The following CCSER1 variants were observed in gnomAD, a reference collection of about 807,000 sequenced individuals.
CCSER1 encodes the protein coiled-coil serine rich protein 1.
Under a neutral mutation model 82.0 loss-of-function variants are expected in CCSER1, and 41 were observed. The observed-to-expected ratio is 0.50, with a 90% CI of 0.39 to 0.65. CCSER1 has a LOEUF of 0.65. Ranked by LOEUF, CCSER1 falls within the 30% of genes least tolerant of loss-of-function variation. The pLI is 0.00. For synonymous variants in CCSER1, 414 were observed against 383.9 expected (o/e 1.08, Z -0.92); for missense variants, 1,119 against 1,064.2 (o/e 1.05, Z -0.72).
rs1001552369 is a variant in CCSER1, at chr4:91,602,704, T to C, written c.*3647T>C. Among the ~76,000 whole-genome samples, 5 of 152,020 alleles carry C rather than the reference T, an allele frequency of 3.3e-5. No homozygotes were observed. The highest frequency in any genetic ancestry group is 1.2e-4 in the African/African-American group (5 of 41,430). On this transcript the variant is annotated 3_prime_UTR_variant, in exon 11 of 11. Coordinates refer to ENST00000509176, the MANE Select transcript of CCSER1 (RefSeq NM_001145065.2). ...GGTTCAAAATAACCCTAAGATTCCATTGAAACATATACACACAGATGAAAC... is the reference window on the plus strand; with the variant it reads ...GGTTCAAAATAACCCTAAGATTCCACTGAAACATATACACACAGATGAAAC...
chr4:91,318,629 C>T (rs375404802), intron 10 of CCSER1, among the ~76,000 whole-genome samples: 2 of 152,122 alleles, frequency 1.3e-5, no homozygotes, highest in South Asian at 4.1e-4. Context: ...TATGGCAGCT[C>T]AGTAGCTAAT....
intron 10 of CCSER1, among the ~76,000 whole-genome samples, chr4:91,441,741 TCTC>T (rs1370244488): frequency 1.3e-5 from 2 of 152,022 alleles, no homozygotes; most frequent in Admixed American, 1.3e-4. Flanking sequence ...CAGCCCAAAA[TCTC>T]CTTAAGCTGA....
chr4:91,482,621 G>C (rs1345456487), intron 10 of CCSER1, among the ~76,000 whole-genome samples: 1 of 151,914 alleles, frequency 6.6e-6, no homozygotes, highest in Non-Finnish European at 1.5e-5. Flanking sequence ...TATAAATCAT[G>C]CTGCTATAAA....
At chr4:91,250,946 C>T (rs977733619) in intron 10 of CCSER1, among the ~76,000 whole-genome samples, 7 of 152,042 alleles carry the variant, frequency 4.6e-5, no homozygotes, top group African/African-American at 7.2e-5. Flanking sequence ...TTAAAAATTA[C>T]GACAATAGTG....
chr4:91,548,068 C>T (rs1458326679), intron 10 of CCSER1, among the ~76,000 whole-genome samples: 5 of 152,262 alleles, frequency 3.3e-5, no homozygotes, highest in Admixed American at 6.5e-5. Context: ...AGATTACAGG[C>T]GTGAGCCACT....
intron 10 of CCSER1, among the ~76,000 whole-genome samples, chr4:91,270,123 C>G (rs2149180780): frequency 6.6e-6 from 1 of 152,292 alleles, no homozygotes; most frequent in Non-Finnish European, 1.5e-5. Context: ...ATTCTGAATT[C>G]TGAAAAATCA....
intron 5 of CCSER1, among the ~76,000 whole-genome samples, chr4:90,519,933 T>G (rs1772866007): frequency 1.3e-5 from 2 of 152,054 alleles, no homozygotes; most frequent in African/African-American, 4.8e-5. Flanking sequence ...AAAACTACAT[T>G]GATTGGTTTA....
At chr4:91,071,868 TC>T (rs1266512161) in intron 9 of CCSER1, among the ~76,000 whole-genome samples, 1 of 152,160 alleles carries the variant, frequency 6.6e-6, no homozygotes, top group Non-Finnish European at 1.5e-5. Context: ...AACATGCCTT[TC>T]ACTGACAATA....
At chr4:90,429,708 A>G (rs1758013879) in intron 4 of CCSER1, among the ~76,000 whole-genome samples, 1 of 151,826 alleles carries the variant, frequency 6.6e-6, no homozygotes, top group South Asian at 2.1e-4. Context: ...GAAAATATAG[A>G]GTGGACAATT....
chr4:90,771,486 C>G (rs1053433240), intron 7 of CCSER1, among the ~76,000 whole-genome samples: 4 of 141,886 alleles, frequency 2.8e-5, no homozygotes, highest in Non-Finnish European at 6.0e-5. Flanking sequence ...CCCACTATTT[C>G]TTTTCTTTTA....
chr4:91,552,294 AATCT>A (rs1332781108), intron 10 of CCSER1, among the ~76,000 whole-genome samples: 2 of 151,786 alleles, frequency 1.3e-5, no homozygotes, highest in East Asian at 1.9e-4. Flanking sequence ...CTTATTAATC[AATCT>A]ATTATTTAAT....
chr4:90,615,561 T>G (rs1721027138), intron 5 of CCSER1, among the ~76,000 whole-genome samples: 1 of 152,136 alleles, frequency 6.6e-6, no homozygotes, highest in East Asian at 1.9e-4. Flanking sequence ...GGAAGTAACT[T>G]CAGATGTGGT....
intron 10 of CCSER1, among the ~76,000 whole-genome samples, chr4:91,432,502 A>G (rs907905371): frequency 3.9e-5 from 6 of 152,168 alleles, no homozygotes; most frequent in Admixed American, 3.9e-4. Flanking sequence ...ACAATTTACA[A>G]TGTACTAGCA....
chr4:91,126,262 T>C (rs1293302010), intron 10 of CCSER1, among the ~76,000 whole-genome samples: 5 of 151,860 alleles, frequency 3.3e-5, no homozygotes, highest in Non-Finnish European at 7.4e-5. Flanking sequence ...AATTTTCTAT[T>C]TTACTTACAC....
chr4:90,691,620 ATG>A (rs200551885), intron 6 of CCSER1, among the ~76,000 whole-genome samples: 243 of 144,888 alleles, frequency 1.7e-3, no homozygotes, highest in Non-Finnish European at 3.2e-3. Context: ...ACATGTATAT[ATG>A]TGTATGTATA....
intron 8 of CCSER1, among the ~76,000 whole-genome samples, chr4:90,918,064 A>T (rs1335994832): frequency 6.6e-6 from 1 of 152,058 alleles, no homozygotes; most frequent in Non-Finnish European, 1.5e-5. Flanking sequence ...TTCTTTTGCA[A>T]ATTTTGGATA....
At chr4:90,993,883 T>A (rs1737260095) in intron 9 of CCSER1, among the ~76,000 whole-genome samples, 1 of 152,142 alleles carries the variant, frequency 6.6e-6, no homozygotes, top group South Asian at 2.1e-4. Context: ...ATTTGGCATA[T>A]AGTAGGTATT....
rs1021755743 is a variant in CCSER1, at chr4:91,111,832, G to A, written c.2217+25838G>A. Among the ~76,000 whole-genome samples, 384 of 123,894 alleles carry A rather than the reference G, an allele frequency of 3.1e-3. 3 individuals are homozygous for A. The highest frequency in any genetic ancestry group is 3.0e-3 in the Non-Finnish European group (170 of 57,146). The allele number at this position is 123,894 out of a possible 152,430, so 81.3% of individuals were successfully genotyped here. ...AAAGGAAAAGAGAAAAAGAGAGAAA[G>A]AAGAAGACAATAAAACAGAAAAAAA... On this transcript the variant is annotated intron_variant, in intron 10 of 10. Transcript: ENST00000509176.
intron 10 of CCSER1, among the ~76,000 whole-genome samples, chr4:91,485,621 C>G (rs1317317326): frequency 6.6e-6 from 1 of 152,120 alleles, no homozygotes; most frequent in Non-Finnish European, 1.5e-5. Flanking sequence ...CAATTATTAC[C>G]TAACCTTTGC....
Sources: gnomAD v4.1 joint callset for allele counts (sites outside exome capture counted in the v4.1 genomes callset) on GRCh38, gnomAD v4.1.1 for gene constraint, MANE v1.5 for transcripts, NCBI Gene and HGNC (gene_info 2026-07-23, HGNC 2026-07-21) for gene names.